Variants in KLHL24 observed in about 807,000 individuals in gnomAD.
The protein encoded by KLHL24 is kelch-like protein 24.
KLHL24 carries 29 observed loss-of-function variants against 53.4 expected under a neutral mutation model. The observed-to-expected ratio is 0.54, with a 90% confidence interval of 0.40 to 0.74. The LOEUF is 0.74. KLHL24 is among the 30% of genes least tolerant of loss of function. KLHL24 has a pLI of 0.00. For synonymous variants in KLHL24, 222 were observed against 253.7 expected (o/e 0.88, Z 1.19); for missense variants, 504 against 744.0 (o/e 0.68, Z 3.75).
At chr3:183,649,695 C>A (rs1024624277) in intron 2 of KLHL24, among the ~76,000 whole-genome samples, 1 of 151,292 alleles carries the variant, frequency 6.6e-6, no homozygotes, top group Admixed American at 6.6e-5. Flanking sequence ...GTGAGAGGAT[C>A]GCTTGAGGCC....
chr3:183,670,992 G>A (rs1721260535), intron 5 of KLHL24, 42 bp from the exon 6 acceptor site: 1 of 1,444,192 alleles, frequency 6.9e-7, no homozygotes, highest in African/African-American at 1.4e-5. Context: ...TCAAAATTCA[G>A]ACTTTTGATA....
At chr3:183,662,810 A>G (rs1193774599) in intron 3 of KLHL24, among the ~76,000 whole-genome samples, 1 of 152,156 alleles carries the variant, frequency 6.6e-6, no homozygotes, top group African/African-American at 2.4e-5. Context: ...TTCCAGATAC[A>G]TTTTTTAGAT....
intron 1 of KLHL24, among the ~76,000 whole-genome samples, chr3:183,639,285 A>T (rs1715904621): frequency 6.6e-6 from 1 of 152,120 alleles, no homozygotes. Context: ...AGATAAATAT[A>T]AACCACTGAC....
intron 7 of KLHL24, among the ~76,000 whole-genome samples, chr3:183,676,955 A>G (rs1156759098): frequency 6.7e-6 from 1 of 149,216 alleles, no homozygotes; most frequent in Non-Finnish European, 1.5e-5. Context: ...GTTTCGTTTC[A>G]GTCTTTAAAA....
intron 5 of KLHL24, among the ~76,000 whole-genome samples, chr3:183,667,020 TA>T (rs1225438843): frequency 6.6e-6 from 1 of 152,040 alleles, no homozygotes; most frequent in African/African-American, 2.4e-5. Context: ...GTACCACCAA[TA>T]AAAAAACAAA....
At chr3:183,636,237 C>G (rs1362759006) in intron 1 of KLHL24, 1 of 152,210 alleles carries the variant, frequency 6.6e-6, no homozygotes, top group African/African-American at 2.4e-5. Context: ...CGGGGGAGTG[C>G]GACCGCCTCA....
At chr3:183,636,869 G>C (rs1324694800) in intron 1 of KLHL24, among the ~76,000 whole-genome samples, 1 of 152,048 alleles carries the variant, frequency 6.6e-6, no homozygotes, top group African/African-American at 2.4e-5. Flanking sequence ...TGGTAGCCTC[G>C]GTGGCCGCCG....
chr3:183,682,237 A>G lies in KLHL24; in HGVS notation c.*2951A>G, dbSNP rs1712755042. 1 of 152,142 alleles carries G rather than the reference A, an allele frequency of 6.6e-6. No homozygotes were observed. 9.4% of individuals were successfully genotyped at this position (152,142 alleles called of 1,614,324 possible). The stretch of plus-strand genomic sequence containing the variant: ...AAAGGTATGCTTTGTAGAACAGAAA[A>G]GTATAGTTTTTTTTTCATGAACTTT... On this transcript the variant is annotated 3_prime_UTR_variant, in exon 8 of 8. Transcript: ENST00000242810.
At chr3:183,648,038 A>G (rs992755957) in intron 2 of KLHL24, among the ~76,000 whole-genome samples, 6 of 152,138 alleles carry the variant, frequency 3.9e-5, no homozygotes, top group African/African-American at 1.2e-4. Context: ...AAAAAACTCC[A>G]ATAGCAATAT....
intron 3 of KLHL24, among the ~76,000 whole-genome samples, chr3:183,659,619 C>T (rs955591915): frequency 1.3e-5 from 2 of 152,248 alleles, no homozygotes; most frequent in African/African-American, 4.8e-5. Flanking sequence ...GAACAGGCTA[C>T]TAAAAAGCTA....
intron 5 of KLHL24, among the ~76,000 whole-genome samples, chr3:183,670,290 A>G (rs1307349094): frequency 6.6e-6 from 1 of 151,966 alleles, no homozygotes; most frequent in African/African-American, 2.4e-5. Context: ...GAGAGAGAGA[A>G]ACGTGGATGT....
At chr3:183,676,752 A>T (rs1711956067) in intron 7 of KLHL24, among the ~76,000 whole-genome samples, 1 of 152,196 alleles carries the variant, frequency 6.6e-6, no homozygotes, top group Admixed American at 6.5e-5. Context: ...GGGATTTTTT[A>T]AAAAGTCAGT....
At chr3:183,642,467 T>G (rs560588854) in intron 1 of KLHL24, among the ~76,000 whole-genome samples, 1 of 152,154 alleles carries the variant, frequency 6.6e-6, no homozygotes, top group African/African-American at 2.4e-5. Flanking sequence ...CTAAACTTGT[T>G]AAGAATTTAC....
intron 7 of KLHL24, among the ~76,000 whole-genome samples, chr3:183,674,116 A>G (rs559740371): frequency 6.6e-6 from 1 of 151,612 alleles, no homozygotes; most frequent in Non-Finnish European, 1.5e-5. Flanking sequence ...CAGTTCTCCT[A>G]TTTTTTCCAT....
At chr3:183,638,104 G>A (rs1428730828) in intron 1 of KLHL24, among the ~76,000 whole-genome samples, 5 of 152,202 alleles carry the variant, frequency 3.3e-5, no homozygotes, top group Non-Finnish European at 5.9e-5. Context: ...GATCAGAACC[G>A]CCTCATCACT....
intron 1 of KLHL24, among the ~76,000 whole-genome samples, chr3:183,640,836 G>A (rs943647485): frequency 3.9e-5 from 6 of 151,916 alleles, no homozygotes; most frequent in African/African-American, 1.5e-4. Context: ...CCTTGACCTC[G>A]TGATCCGCCT....
At chr3:183,646,118 A>C (rs1267834395) in intron 2 of KLHL24, among the ~76,000 whole-genome samples, 3 of 150,876 alleles carry the variant, frequency 2.0e-5, no homozygotes. Flanking sequence ...TAATCCCAGC[A>C]CTCTGGGAGG....
At chr3:183,652,290 TATAGAAAAATA>T (rs1718234007) in intron 3 of KLHL24, among the ~76,000 whole-genome samples, 1 of 152,186 alleles carries the variant, frequency 6.6e-6, no homozygotes. Flanking sequence ...ATTCATAAAC[TATAGAAAAATA>T]ATCTCCATGC....
At chr3:183,674,282 TCTTTCTTTCTTTCTTTCTTTC>T (rs1316118602) in intron 7 of KLHL24, among the ~76,000 whole-genome samples, 5 of 151,108 alleles carry the variant, frequency 3.3e-5, no homozygotes, top group African/African-American at 1.2e-4. Context: ...TTTCTTTCTT[TCTTTCTTTCTTTCTTTCTTTC>T]CTTTCTTCCT....
Sources: gnomAD v4.1 joint callset for allele counts (sites outside exome capture counted in the v4.1 genomes callset) on GRCh38, gnomAD v4.1.1 for gene constraint, MANE v1.5 for transcripts, NCBI Gene and HGNC (gene_info 2026-07-23, HGNC 2026-07-21) for gene names.